GFM2: variants seen among roughly 807,000 people sequenced by gnomAD.
The protein encoded by GFM2 is ribosome-releasing factor 2, mitochondrial.
In GFM2, 72 loss-of-function variants were observed where a neutral mutation model predicts 95.4. The observed-to-expected ratio is 0.76, with a 90% CI of 0.62 to 0.92. The LOEUF is 0.92. Among genes scored for constraint, GFM2 ranks in the 40% least tolerant of loss-of-function variants. GFM2 has a pLI of 0.00. For missense variants in GFM2, 825 were observed against 924.1 expected, an observed-to-expected ratio of 0.89 and a Z score of 1.39; for synonymous variants, 276 against 317.5, an observed-to-expected ratio of 0.87 and a Z score of 1.39.
intron 16 of GFM2, among the ~76,000 whole-genome samples, chr5:74,730,946 T>TG (rs1380267320): frequency 5.3e-5 from 8 of 152,144 alleles, no homozygotes; most frequent in Non-Finnish European, 1.0e-4. Context: ...CCCAAGCAGC[T>TG]GGGATTACAG....
At chr5:74,725,323 A>G (rs984322588) in intron 19 of GFM2, 4 of 225,768 alleles carry the variant, frequency 1.8e-5, no homozygotes, top group African/African-American at 2.3e-5. Context: ...TTCTACTCAA[A>G]CCTACCATGC....
At chr5:74,734,816 G>A (rs1742754067) in intron 15 of GFM2, among the ~76,000 whole-genome samples, 1 of 151,408 alleles carries the variant, frequency 6.6e-6, no homozygotes, top group Non-Finnish European at 1.5e-5. Context: ...CTAAGTAAGG[G>A]AGCTTTGGTA....
At chr5:74,728,509 G>C (rs1750252126) in intron 17 of GFM2, among the ~76,000 whole-genome samples, 1 of 152,192 alleles carries the variant, frequency 6.6e-6, no homozygotes, top group Admixed American at 6.5e-5. Context: ...CCATGTGTAA[G>C]TGTACCTGCA....
rs118133558 is a variant in GFM2 at position 74,738,628 on chromosome 5, T to C, written c.1094A>G (p.Asp365Gly). 789 of 1,608,808 alleles carry C rather than the reference T, an allele frequency of 4.9e-4. 6 individuals are homozygous for C. The East Asian group carries it at 0.017, about 36-fold the overall frequency. Residue 365 changes from aspartate to glycine, a missense_variant, in exon 13 of 21, where the codon GAT becomes GGT. Transcript: ENST00000296805. The stretch of plus-strand genomic sequence containing the variant: ...TTTAAATGCCAATGCACATAAGTCA[T>C]CCTTATACCACTGCCTATAAAATAA... ...RNYEFLQWYKDDLCALAFKVL... is the reference protein window; with the variant it reads ...RNYEFLQWYKGDLCALAFKVL...
At chr5:74,766,033 C>CTTTGAG (rs1448836125) in intron 1 of GFM2, among the ~76,000 whole-genome samples, 1 of 151,884 alleles carries the variant, frequency 6.6e-6, no homozygotes, top group African/African-American at 2.4e-5. Context: ...AAGCCGGGCG[C>CTTTGAG]TGTGGCTCAA....
At chr5:74,742,517 GAATA>G (rs775926614) in intron 10 of GFM2, among the ~76,000 whole-genome samples, 4 of 152,102 alleles carry the variant, frequency 2.6e-5, no homozygotes, top group Non-Finnish European at 4.4e-5. Context: ...TATGCTTTAA[GAATA>G]TATACTAGTG....
In GFM2 at chr5:74,735,553, G is replaced by A. The variant is rs540045862; in HGVS notation, c.1510+1243C>T. On this transcript the variant is annotated intron_variant, in intron 15 of 20. Coordinates refer to ENST00000296805, the MANE Select transcript of GFM2 (RefSeq NM_032380.5). ...TCCTTAAACAAACAGTCTAATATAG[G>A]AATTCAGTGAGAGCCTCATAAAGTG... is the stretch of plus-strand genomic sequence containing the variant. Among the ~76,000 whole-genome samples the A allele has an allele frequency of 2.1e-3, 320 of 152,282 alleles. 3 individuals carry two copies. The highest frequency in any genetic ancestry group is 7.3e-3 in the African/African-American group (302 of 41,550).
rs774367605 is a variant in GFM2 at position 74,721,298 on chromosome 5, CTCTA to C, written c.*353_*356del. ...ATTTTTATTGATTGAACCTTTGACC[CTCTA>C]TCTTATTACATTTAGAGGCCTGGCA... On this transcript the variant is annotated 3_prime_UTR_variant, in exon 21 of 21. Transcript: ENST00000296805. The C allele has an allele frequency of 2.0e-5, 17 of 868,876 alleles. No individual in the cohort carries two copies. The highest frequency in any genetic ancestry group is 2.9e-5 in the Non-Finnish European group (15 of 522,990). The allele number at this position is 868,876 out of a possible 1,614,324, so 53.8% of individuals were successfully genotyped here.
intron 2 of GFM2, among the ~76,000 whole-genome samples, chr5:74,761,574 C>A (rs1192879560): frequency 1.3e-5 from 2 of 152,014 alleles, no homozygotes; most frequent in Admixed American, 6.5e-5. Flanking sequence ...CTTGAAGACA[C>A]GGGGGTGGGG....
At chr5:74,748,314 T>C (rs552406783) in intron 7 of GFM2, among the ~76,000 whole-genome samples, 2 of 152,322 alleles carry the variant, frequency 1.3e-5, no homozygotes, top group African/African-American at 2.4e-5. Flanking sequence ...ATTAAGTGTA[T>C]AGCTCAATGC....
At chr5:74,739,957 T>C (rs369293025) in intron 12 of GFM2, 32 bp downstream of exon 12, 7 of 1,401,058 alleles carry the variant, frequency 5.0e-6, no homozygotes, top group Admixed American at 2.8e-5. Flanking sequence ...TTCAAAGCTA[T>C]AGAATTTTAA....
chr5:74,721,926 T>G (rs1000024013), intron 20 of GFM2, 143 bp from the exon 21 acceptor site: 8 of 726,912 alleles, frequency 1.1e-5, no homozygotes, highest in Non-Finnish European at 1.8e-5. Flanking sequence ...AACAGATGAT[T>G]TAACTTTTTT....
chr5:74,756,125 T>A (rs950221745), intron 5 of GFM2, among the ~76,000 whole-genome samples: 1 of 152,136 alleles, frequency 6.6e-6, no homozygotes, highest in African/African-American at 2.4e-5. Flanking sequence ...ATCATCTCAA[T>A]AGACTCAGAA....
chr5:74,741,683 A>G, intron 10 of GFM2, 74 bp from the exon 11 acceptor site: 1 of 717,786 alleles, frequency 1.4e-6, no homozygotes, highest in South Asian at 2.0e-5. Flanking sequence ...AAACACCATA[A>G]ACAGACAATA....
rs773571926 is a variant in GFM2, at chr5:74,741,595, A to T, written c.864T>A (p.Asp288Glu). 1.9e-6 allele frequency: 3 copies of T among 1,580,040 alleles called. No individual in the cohort carries two copies. Among genetic ancestry groups the T allele is most frequent in the East Asian group, 4.5e-5 (2 of 44,446 alleles). ...CTAAAACCAAGTCAGCAAATTCATC[A>T]TCCAAATCTGCAACCTATAAAGAAA... ...NALIEQVADL[D>E]DEFADLVLEE... Residue 288 changes from aspartate to glutamate, a missense_variant, in exon 11 of 21, where the codon GAT becomes GAA. Asp to Glu is a conservative substitution (Grantham distance 45). Transcript: ENST00000296805.
chr5:74,740,029 T>C lies in GFM2; in HGVS notation c.1039A>G (p.Met347Val), dbSNP rs1415940085. Reference sequence around the variant, plus strand: ...CGCTCTTCAGGTGAAGGTAAGTACATAGTAACAGCATCTAACAAGGGCTGT... The same window carrying C: ...CGCTCTTCAGGTGAAGGTAAGTACACAGTAACAGCATCTAACAAGGGCTGT... ...GIQPLLDAVT[M>V]YLPSPEERNY... The change falls in exon 12 of 21, where the codon ATG (methionine) becomes GTG (valine). Residue 347 changes from methionine to valine, a missense_variant. Physicochemically the swap from Met to Val is conservative, Grantham distance 21. Transcript: ENST00000296805. 3 of 1,598,720 alleles carry C rather than the reference T, an allele frequency of 1.9e-6. No individual in the cohort carries two copies. Among genetic ancestry groups the C allele is most frequent in the Admixed American group, 3.5e-5 (2 of 56,988 alleles).
chr5:74,731,059 T>C (rs113347529), intron 16 of GFM2, among the ~76,000 whole-genome samples: 32,934 of 152,082 alleles, frequency 0.22, 5,493 homozygotes, highest in African/African-American at 0.47. Flanking sequence ...GTAATCCACC[T>C]GCCTCGGCCT....
intron 5 of GFM2, among the ~76,000 whole-genome samples, chr5:74,757,731 TAAAAAAAAAAAAAAAAA>T (rs35313753): frequency 1.1e-5 from 1 of 89,168 alleles, no homozygotes; most frequent in Non-Finnish European, 2.2e-5. Context: ...CCTATGTCTC[TAAAAAAAAAAAAAAAAA>T]AAAAAAAAAT....
At chr5:74,755,697 CAAAT>C in intron 5 of GFM2, among the ~76,000 whole-genome samples, 1 of 152,070 alleles carries the variant, frequency 6.6e-6, no homozygotes, top group East Asian at 1.9e-4. Flanking sequence ...ACTGAACAGA[CAAAT>C]AACAGTGAGA....
Sources: gnomAD v4.1 joint callset for allele counts (sites outside exome capture counted in the v4.1 genomes callset) on GRCh38, gnomAD v4.1.1 for gene constraint, MANE v1.5 for transcripts, NCBI Gene and HGNC (gene_info 2026-07-23, HGNC 2026-07-21) for gene names.